MYO5B: variants seen among roughly 807,000 people sequenced by gnomAD.
The protein encoded by MYO5B is myosin VB, also known as unconventional myosin-Vb.
In MYO5B, 143 loss-of-function variants were observed where a neutral mutation model predicts 229.3. The observed-to-expected ratio is 0.62, with a 90% CI of 0.54 to 0.72. The LOEUF (loss-of-function observed/expected upper bound fraction) is 0.72, where lower values mean the gene tolerates loss of function less well. MYO5B is among the 30% of genes least tolerant of loss of function. The pLI is 0.00. For synonymous variants in MYO5B, 918 were observed against 885.2 expected (o/e 1.04, Z -0.66); for missense variants, 2,321 against 2,331.0 (o/e 1.00, Z 0.09).
At chr18:50,188,785 T>TAAAAAAAAAAAA (rs4042094) in intron 1 of MYO5B, among the ~76,000 whole-genome samples, 4 of 105,098 alleles carry the variant, frequency 3.8e-5, no homozygotes, top group African/African-American at 1.1e-4. Flanking sequence ...GACTCTGTCA[T>TAAAAAAAAAAAA]AAAAAAAAAA....
chr18:50,023,610 A>C (rs1461514993), intron 4 of MYO5B, among the ~76,000 whole-genome samples: 1 of 152,182 alleles, frequency 6.6e-6, no homozygotes, highest in Non-Finnish European at 1.5e-5. Flanking sequence ...TGAGAAAGTC[A>C]ATCAGAATAG....
At chr18:49,924,439 T>A (rs562921435) in intron 17 of MYO5B, among the ~76,000 whole-genome samples, 1 of 152,270 alleles carries the variant, frequency 6.6e-6, no homozygotes, top group East Asian at 1.9e-4. Context: ...AGCCAAGAAG[T>A]GTGGGAGTCA....
intron 9 of MYO5B, among the ~76,000 whole-genome samples, chr18:49,978,262 T>C (rs2025774885): frequency 6.6e-6 from 1 of 152,038 alleles, no homozygotes; most frequent in Non-Finnish European, 1.5e-5. Flanking sequence ...ACTCAGTGGG[T>C]ACTAGAGGGA....
rs79673806 is a variant in MYO5B at position 49,838,122 on chromosome 18, C to T, written c.4853-320G>A. Among the ~76,000 whole-genome samples, 4,715 of 152,298 alleles carry T rather than the reference C, an allele frequency of 0.031. 100 individuals are homozygous for T. Among genetic ancestry groups the T allele is most frequent in the Middle Eastern group, 0.054 (16 of 294 alleles). ...AATTGAGCAACCTGGGTGTCATCCT[C>T]GTCCAGCCACTGACTATGTAAATAA... On this transcript the variant is annotated intron_variant, in intron 36 of 39. Coordinates refer to ENST00000285039, the MANE Select transcript of MYO5B (RefSeq NM_001080467.3).
intron 27 of MYO5B, among the ~76,000 whole-genome samples, chr18:49,871,091 T>C (rs2024451202): frequency 6.6e-6 from 1 of 152,174 alleles, no homozygotes; most frequent in Non-Finnish European, 1.5e-5. Flanking sequence ...ATACACACAA[T>C]GGGACACAGT....
At chr18:50,063,192 C>T (rs2030731718) in intron 1 of MYO5B, among the ~76,000 whole-genome samples, 1 of 152,126 alleles carries the variant, frequency 6.6e-6, no homozygotes, top group South Asian at 2.1e-4. Flanking sequence ...GATTATTTCC[C>T]GAGTTAACTC....
At chr18:49,964,830 G>A (rs1315821841) in intron 10 of MYO5B, among the ~76,000 whole-genome samples, 1 of 152,128 alleles carries the variant, frequency 6.6e-6, no homozygotes, top group African/African-American at 2.4e-5. Flanking sequence ...GTGCAATATG[G>A]CCCAATCTTT....
At chr18:50,090,446 A>G (rs1252327990) in intron 1 of MYO5B, among the ~76,000 whole-genome samples, 2 of 152,136 alleles carry the variant, frequency 1.3e-5, no homozygotes, top group Admixed American at 6.5e-5. Flanking sequence ...CAGGGACTCC[A>G]GGAAATGACA....
chr18:49,942,931 C>T (rs934824222), intron 14 of MYO5B, among the ~76,000 whole-genome samples: 5 of 152,002 alleles, frequency 3.3e-5, no homozygotes, highest in African/African-American at 1.2e-4. Context: ...TTTATTGCGG[C>T]ACTATTCACA....
intron 7 of MYO5B, 53 bp downstream of exon 7, chr18:49,990,386 C>A (rs2025916713): frequency 2.1e-6 from 3 of 1,457,246 alleles, no homozygotes; most frequent in African/African-American, 1.4e-5. Context: ...CAGCTGTGCA[C>A]CCGCTGGAGC....
At chr18:50,167,409 G>A (rs1235888725) in intron 1 of MYO5B, among the ~76,000 whole-genome samples, 13 of 152,162 alleles carry the variant, frequency 8.5e-5, no homozygotes, top group Admixed American at 6.5e-4. Flanking sequence ...ATAAAGGACC[G>A]ACATTTGTTT....
chr18:49,987,489 C>T (rs1354332038), intron 7 of MYO5B, among the ~76,000 whole-genome samples: 1 of 152,110 alleles, frequency 6.6e-6, no homozygotes, highest in Non-Finnish European at 1.5e-5. Flanking sequence ...CAGTTTAGGT[C>T]TCTCTCTTTA....
At chr18:49,911,980 A>G in intron 18 of MYO5B, 82 bp downstream of exon 18, 1 of 1,044,542 alleles carries the variant, frequency 9.6e-7, no homozygotes, top group Non-Finnish European at 1.5e-6. Flanking sequence ...AGACCAAAAA[A>G]AAAATGTAGA....
At chr18:49,969,412 A>T (rs1191423785) in intron 10 of MYO5B, among the ~76,000 whole-genome samples, 1 of 152,234 alleles carries the variant, frequency 6.6e-6, no homozygotes, top group Non-Finnish European at 1.5e-5. Flanking sequence ...ATTGTAGTCA[A>T]CCTACAGAAC....
intron 24 of MYO5B, among the ~76,000 whole-genome samples, chr18:49,878,111 A>T (rs2024547390): frequency 6.6e-6 from 1 of 152,094 alleles, no homozygotes; most frequent in South Asian, 2.1e-4. Context: ...CAAATTCCTA[A>T]CACTTGGGTC....
chr18:49,990,501 T>C lies in MYO5B; in HGVS notation c.776A>G (p.Tyr259Cys). The change falls in exon 7 of 40, where the codon TAC becomes TGC. Residue 259 changes from tyrosine (Y) to cysteine (C), a missense_variant. By Grantham distance (194) the Tyr-to-Cys change is radical (BLOSUM62 -2). Around this residue, in one of 2 missense-constraint regions of MYO5B, gnomAD observed 2,113 missense variants for 2,044.7 expected, o/e 1.03. Coordinates refer to ENST00000285039, the MANE Select transcript of MYO5B (RefSeq NM_001080467.3). ...AGCACAGAGCTGGTAAAAGATGTGGTAATTCCTCTCATCATCTGCCTGGAG... is the reference window on the plus strand; with the variant it reads ...AGCACAGAGCTGGTAAAAGATGTGGCAATTCCTCTCATCATCTGCCTGGAG... ...VVFQADDERN[Y>C]HIFYQLCAAA... 7.4e-6 allele frequency: 12 copies of C among 1,613,826 alleles called. No individual in the cohort carries two copies. Among genetic ancestry groups the C allele is most frequent in the Non-Finnish European group, 1.0e-5 (12 of 1,179,780 alleles).
At chr18:49,853,951 T>G (rs982237138) in intron 30 of MYO5B, among the ~76,000 whole-genome samples, 16 of 152,360 alleles carry the variant, frequency 1.1e-4, no homozygotes, top group African/African-American at 3.4e-4. Context: ...AAAGACTGTC[T>G]CCCTGTCAAA....
rs1192851225 is a variant in MYO5B, at chr18:50,043,298, TA to T, written c.139-2985del. On this transcript the variant is annotated intron_variant, in intron 2 of 39. Transcript: ENST00000285039. ...TATATTTATATTTATATATTATATA[TA>T]ATATATAATATAAATATATAAAATA... Among the ~76,000 whole-genome samples the T allele has an allele frequency of 4.1e-3, 430 of 103,858 alleles. 8 individuals carry two copies. The highest frequency in any genetic ancestry group is 0.012 in the African/African-American group (318 of 25,858). 68.1% of individuals were successfully genotyped at this position (103,858 alleles called of 152,430 possible).
intron 1 of MYO5B, among the ~76,000 whole-genome samples, chr18:50,159,636 C>G (rs113687109): frequency 4.0e-4 from 61 of 152,300 alleles, no homozygotes; most frequent in African/African-American, 1.3e-3. Context: ...GACTTGTCTC[C>G]CAACTGTCCC....
Sources: allele counts gnomAD v4.1 joint callset (sites outside exome capture counted in the v4.1 genomes callset), GRCh38; gene constraint gnomAD v4.1.1; regional missense constraint gnomAD v4.1.1; transcripts MANE v1.5; gene names NCBI Gene and HGNC (gene_info 2026-07-23, HGNC 2026-07-21).